The following TVP23A variants were observed in gnomAD, a reference collection of about 807,000 sequenced individuals.
TVP23A encodes Golgi apparatus membrane protein TVP23 homolog A.
A neutral mutation model predicts 31.7 loss-of-function variants in TVP23A; 21 were observed. The ratio of observed to expected loss-of-function variants is 0.66; its 90% CI spans 0.47 to 0.95. The LOEUF (loss-of-function observed/expected upper bound fraction) is 0.95. Among genes scored for constraint, TVP23A ranks in the 40% least tolerant of loss-of-function variants. The pLI, the probability that TVP23A is intolerant of heterozygous loss-of-function variation, is 0.00. For missense variants in TVP23A, 279 were observed against 255.6 expected, an observed-to-expected ratio of 1.09 and a Z score of -0.62; for synonymous variants, 104 against 96.0, an observed-to-expected ratio of 1.08 and a Z score of -0.49.
intron 2 of TVP23A, among the ~76,000 whole-genome samples, chr16:10,790,993 G>C (rs2033071969): frequency 6.6e-6 from 1 of 152,110 alleles, no homozygotes; most frequent in African/African-American, 2.4e-5. Context: ...TAGTTCTTTA[G>C]GTTAACTTTG....
chr16:10,805,630 C>A (rs2033907931), intron 2 of TVP23A, among the ~76,000 whole-genome samples: 1 of 150,780 alleles, frequency 6.6e-6, no homozygotes, highest in South Asian at 2.1e-4. Context: ...GAAGAGGACT[C>A]CTCAGGGCTG....
downstream of TVP23A, among the ~76,000 whole-genome samples, chr16:10,758,528 C>T (rs147438088): frequency 6.6e-6 from 1 of 152,246 alleles, no homozygotes; most frequent in Non-Finnish European, 1.5e-5. Context: ...CAGCTGACAA[C>T]CATTCAACGA....
At chr16:10,761,295 C>T (rs1267949427) in exon 9 of TVP23A, 2 of 1,406,856 alleles carry the variant, frequency 1.4e-6, no homozygotes, top group Non-Finnish European at 2.0e-6. Context: ...GCAGCCATCC[C>T]CTCGGTTGCA....
chr16:10,798,607 TTGTA>T lies in TVP23A; in HGVS notation c.89+19492_89+19495del, dbSNP rs544393160. ...GGCCAATAAAATATATCAGAAGTGA[TTGTA>T]TGTCACTTTTGAGATTAGGTTATCA... On this transcript the variant is annotated intron_variant, in intron 2 of 7. Transcript: ENST00000299866. Among the ~76,000 whole-genome samples, 312 of 152,306 alleles carry T rather than the reference TTGTA, an allele frequency of 2.0e-3. 3 individuals carry two copies. Among genetic ancestry groups the T allele is most frequent in the Middle Eastern group, 3.4e-3 (1 of 294 alleles).
chr16:10,817,884 A>T (rs983591882), intron 2 of TVP23A, among the ~76,000 whole-genome samples: 2 of 151,950 alleles, frequency 1.3e-5, no homozygotes, highest in African/African-American at 4.8e-5. Context: ...TATCTCATTA[A>T]TCTCCTTGCC....
chr16:10,774,212 T>C lies in TVP23A; in HGVS notation c.235-84A>G, dbSNP rs369793496. On this transcript the variant is annotated intron_variant, in intron 3 of 7. Transcript: ENST00000299866. ...TATTGATAAACAAAAGTTCCTTGATTCATTTCAGACTTGTACTGGGAGCAG... is the reference window on the plus strand; with the variant it reads ...TATTGATAAACAAAAGTTCCTTGATCCATTTCAGACTTGTACTGGGAGCAG... The C allele has an allele frequency of 9.1e-5, 95 of 1,039,698 alleles. No homozygotes were observed. The South Asian group carries it at 1.3e-3, about 15-fold the overall frequency. 64.4% of individuals were successfully genotyped at this position (1,039,698 alleles called of 1,614,324 possible). A position where few individuals can be genotyped will look rare whatever the true frequency, so the allele number is the denominator to read the frequency against.
intron 2 of TVP23A, among the ~76,000 whole-genome samples, chr16:10,815,154 GGCT>G: frequency 7.2e-6 from 1 of 139,230 alleles, no homozygotes; most frequent in South Asian, 2.1e-4. Flanking sequence ...CACTGTGGGA[GGCT>G]GAAGTAGGTA....
At chr16:10,815,077 C>A (rs2034375713) in intron 2 of TVP23A, among the ~76,000 whole-genome samples, 1 of 152,156 alleles carries the variant, frequency 6.6e-6, no homozygotes, top group African/African-American at 2.4e-5. Flanking sequence ...GCCCCAGCTT[C>A]TGCCTATCCC....
chr16:10,765,992 C>T (rs565278329), downstream of TVP23A: 1 of 152,380 alleles, frequency 6.6e-6, no homozygotes, highest in South Asian at 2.1e-4. This position sits in a 1 kb window ranked among gnomAD's most constrained non-coding sequence, Gnocchi z 4.0. Context: ...AAGTGACAGA[C>T]ACGCATCTGG....
intron 6 of TVP23A, among the ~76,000 whole-genome samples, chr16:10,770,868 C>CAAAAAAAAAAAAAAAAAA (rs376701429): frequency 2.6e-4 from 17 of 66,458 alleles, no homozygotes; most frequent in African/African-American, 5.3e-4. Flanking sequence ...ACTCCCATCT[C>CAAAAAAAAAAAAAAAAAA]AAAAAAAAAA....
chr16:10,790,753 G>T, intron 2 of TVP23A, among the ~76,000 whole-genome samples: 1 of 152,090 alleles, frequency 6.6e-6, no homozygotes, highest in Non-Finnish European at 1.5e-5. Context: ...GGGCAAGATA[G>T]GAAAAAAATT....
intron 7 of TVP23A, among the ~76,000 whole-genome samples, chr16:10,769,667 A>G (rs2031398795): frequency 6.6e-6 from 1 of 152,188 alleles, no homozygotes; most frequent in Admixed American, 6.5e-5. Flanking sequence ...GCCCTTGAAG[A>G]GTCCTTGAAT....
At chr16:10,761,779 C>T (rs1464332776), downstream of TVP23A, 1 of 1,614,050 alleles carries the variant, frequency 6.2e-7, no homozygotes, top group Admixed American at 1.7e-5. Flanking sequence ...ATATTCCCTC[C>T]CACAACCGGG....
chr16:10,774,066 C>T lies in TVP23A; in HGVS notation c.297G>A (p.Lys99=), dbSNP rs541446878. ...TCCTGGCTTCAAAGATCCAGTGGCT[C>T]TTCCCATCTTCATCTATCTGGTTCC... ...RWWNQIDEDG[K]SHWIFEARKV... The change falls in exon 4 of 8, where the codon AAG becomes AAA. Residue 99 remains lysine (K), a synonymous_variant. Coordinates refer to ENST00000299866, the MANE Select transcript of TVP23A (RefSeq NM_001079512.4). The T allele has an allele frequency of 6.2e-7, 1 of 1,612,046 alleles. No individual in the cohort carries two copies. Among genetic ancestry groups the T allele is most frequent in the East Asian group, 2.2e-5 (1 of 44,858 alleles).
Position 10,791,311 on chromosome 16 carries a change from C to G in TVP23A, c.90-16215G>C, listed in dbSNP as rs149031970. Among the ~76,000 whole-genome samples the G allele has an allele frequency of 7.5e-3, 1,148 of 152,304 alleles. 7 individuals are homozygous for G. The highest frequency in any genetic ancestry group is 0.012 in the Non-Finnish European group (849 of 68,032). On this transcript the variant is annotated intron_variant, in intron 2 of 7. Transcript: ENST00000299866. ...GCTATTTCTTTCTTTGGCCCCGACACCCACTTACACTCAGGTGGCTTCTCT... is the reference window on the plus strand; with the variant it reads ...GCTATTTCTTTCTTTGGCCCCGACAGCCACTTACACTCAGGTGGCTTCTCT...
Position 10,775,027 on chromosome 16 carries a change from G to C in TVP23A, c.159C>G (p.Asp53Glu), listed in dbSNP as rs2031905565. 1.9e-6 allele frequency: 3 copies of C among 1,612,436 alleles called. No homozygotes were observed. Among genetic ancestry groups the C allele is most frequent in the Non-Finnish European group, 2.5e-6 (3 of 1,179,270 alleles). The change falls in exon 3 of 8, where the codon GAC (aspartate) becomes GAG (glutamate). Residue 53 changes from aspartate to glutamate, a missense_variant. Asp to Glu is a conservative substitution (Grantham distance 45). Coordinates refer to ENST00000299866, the MANE Select transcript of TVP23A (RefSeq NM_001079512.4). ...VSAIVTYVSC[D>E]WFSKSFVGCF... ...AGCCCACAAAGCTCTTGCTGAACCA[G>C]TCGCAGCTCACGTAGGTGACGATGG...
In TVP23A at chr16:10,770,868, CAAAAAAA is replaced by C. The variant is rs376701429; in HGVS notation, c.583-544_583-538del. Among the ~76,000 whole-genome samples the C allele has an allele frequency of 9.5e-3, 632 of 66,406 alleles. 3 individuals are homozygous for C. Among genetic ancestry groups the C allele is most frequent in the African/African-American group, 0.026 (493 of 18,988 alleles). 43.6% of individuals were successfully genotyped at this position (66,406 alleles called of 152,430 possible). On this transcript the variant is annotated intron_variant, in intron 6 of 7. Coordinates refer to ENST00000299866, the MANE Select transcript of TVP23A (RefSeq NM_001079512.4). ...TGGGAGCAGAGTGAGACTCCCATCT[CAAAAAAA>C]AAAAAAAAAAAAAAAAAAAAATTGA...
At chr16:10,816,706 T>C (rs2034454230) in intron 2 of TVP23A, among the ~76,000 whole-genome samples, 1 of 151,724 alleles carries the variant, frequency 6.6e-6, no homozygotes, top group African/African-American at 2.4e-5. Flanking sequence ...GCCAACACAA[T>C]AGTCCTTATA....
At chr16:10,807,678 C>A (rs2034008103) in intron 2 of TVP23A, among the ~76,000 whole-genome samples, 1 of 152,166 alleles carries the variant, frequency 6.6e-6, no homozygotes, top group Admixed American at 6.5e-5. Flanking sequence ...TGAGAAGCTG[C>A]TCTAAAGAGT....
Sources: allele counts gnomAD v4.1 joint callset (sites outside exome capture counted in the v4.1 genomes callset), GRCh38; gene constraint gnomAD v4.1.1; non-coding constraint Gnocchi (gnomAD v3.1); transcripts MANE v1.5; gene names NCBI Gene and HGNC (gene_info 2026-07-23, HGNC 2026-07-21).